UBE2U: variants seen among roughly 807,000 people sequenced by gnomAD.
UBE2U encodes ubiquitin conjugating enzyme E2 U, also known as ubiquitin-conjugating enzyme E2 U.
In UBE2U, 39 loss-of-function variants were observed where a neutral mutation model predicts 41.2. The observed-to-expected ratio is 0.95, with a 90% CI of 0.73 to 1.24. UBE2U has a LOEUF of 1.24. UBE2U is among the 50% of genes most tolerant of loss of function. The pLI, the probability that UBE2U is intolerant of heterozygous loss-of-function variation, is 0.00. For synonymous variants in UBE2U, 107 were observed against 117.8 expected (o/e 0.91, Z 0.60); for missense variants, 336 against 363.1 (o/e 0.93, Z 0.61).
chr1:64,222,013 G>GGAGGCAGAGCTTGCAGT (rs1652510516), intron 6 of UBE2U, among the ~76,000 whole-genome samples: 1 of 150,232 alleles, frequency 6.7e-6, no homozygotes, highest in East Asian at 1.9e-4. Context: ...TGTGAACCCA[G>GGAGGCAGAGCTTGCAGT]GAGGCAGAGC....
intron 6 of UBE2U, among the ~76,000 whole-genome samples, chr1:64,223,385 A>G (rs1652627672): frequency 6.6e-6 from 1 of 152,158 alleles, no homozygotes; most frequent in African/African-American, 2.4e-5. Context: ...TTGCCACCAG[A>G]GAATGTAGTT....
intron 8 of UBE2U, among the ~76,000 whole-genome samples, chr1:64,246,570 T>TA (rs982837887): frequency 2.1e-5 from 3 of 142,748 alleles, no homozygotes; most frequent in Admixed American, 6.9e-5. Flanking sequence ...ACACTGCCTG[T>TA]ATTTTTAAAT....
At position 64,212,867 on chromosome 1, in the gene UBE2U, G is replaced by A. The variant is rs375098905; in HGVS notation, c.340-1948G>A. 3.1e-4 allele frequency among the ~76,000 whole-genome samples: 47 copies of A among 152,228 alleles called. 4 individuals carry two copies. The South Asian group carries it at 5.0e-3, about 16-fold the overall frequency. On this transcript the variant is annotated intron_variant, in intron 4 of 9. Coordinates refer to ENST00000371077, the MANE Select transcript of UBE2U (RefSeq NM_001366232.2). ...ATTGTTCTTACTATTAAAGAGTAAT[G>A]CAAAGTGACACCAAAGTGTTGCCAA...
chr1:64,239,136 A>AAGGAGAAGGAGAAGGAGAAGG lies in UBE2U; in HGVS notation c.596-2514_596-2513insGAGAAGGAGAAGGAGAAGGAG, dbSNP rs1557730426. Among the ~76,000 whole-genome samples the AAGGAGAAGGAGAAGGAGAAGG allele has an allele frequency of 1.4e-4, 4 of 28,348 alleles. 1 individual carries two copies. The highest frequency in any genetic ancestry group is 5.4e-4 in the African/African-American group (4 of 7,350). The allele number at this position is 28,348 out of a possible 152,430, so 18.6% of individuals were successfully genotyped here. On this transcript the variant is annotated intron_variant, in intron 7 of 9. Coordinates refer to ENST00000371077, the MANE Select transcript of UBE2U (RefSeq NM_001366232.2). ...GAAGAAGAAGAAGAAGAAGAAGAAG[A>AAGGAGAAGGAGAAGGAGAAGG]AGAAGAAGAAGAAGAAGAAGAAAGA...
intron 4 of UBE2U, among the ~76,000 whole-genome samples, chr1:64,214,167 T>C (rs1265379927): frequency 6.6e-6 from 1 of 152,214 alleles, no homozygotes; most frequent in African/African-American, 2.4e-5. Context: ...AGGTCAGTGC[T>C]GCGCAGTAGC....
intron 7 of UBE2U, among the ~76,000 whole-genome samples, chr1:64,237,928 A>G (rs576374846): frequency 6.6e-6 from 1 of 152,368 alleles, no homozygotes; most frequent in South Asian, 2.1e-4. Flanking sequence ...GATATGAATT[A>G]TCCTTAAATA....
chr1:64,233,559 A>G (rs1346545478), intron 7 of UBE2U, among the ~76,000 whole-genome samples: 1 of 152,188 alleles, frequency 6.6e-6, no homozygotes, highest in Non-Finnish European at 1.5e-5. Flanking sequence ...CACCAGAGAG[A>G]ACCTTTTTAT....
At chr1:64,229,406 C>G (rs142129184) in intron 6 of UBE2U, among the ~76,000 whole-genome samples, 27 of 152,250 alleles carry the variant, frequency 1.8e-4, no homozygotes, top group African/African-American at 5.3e-4. Context: ...GCTGAAGAGG[C>G]GCTAAACTTG....
intron 4 of UBE2U, among the ~76,000 whole-genome samples, chr1:64,212,271 T>C (rs1651709100): frequency 6.6e-6 from 1 of 152,102 alleles, no homozygotes; most frequent in African/African-American, 2.4e-5. Context: ...TAAACTAGAG[T>C]CTGCCCTAAG....
chr1:64,263,135 T>C lies in UBE2U; in HGVS notation c.769+2441T>C, dbSNP rs575226019. ...CTGGTTAGCGCTCCAGTGCTGAGCC[T>C]TGTCCTCTTTAATCATGGAATAGAC... On this transcript the variant is annotated intron_variant, in intron 9 of 9. Coordinates refer to ENST00000371077, the MANE Select transcript of UBE2U (RefSeq NM_001366232.2). Among the ~76,000 whole-genome samples, 57 of 152,330 alleles carry C rather than the reference T, an allele frequency of 3.7e-4. 1 individual carries two copies. The highest frequency in any genetic ancestry group is 1.3e-3 in the African/African-American group (56 of 41,574).
intron 5 of UBE2U, among the ~76,000 whole-genome samples, chr1:64,216,549 G>T (rs1652027083): frequency 6.6e-6 from 1 of 152,208 alleles, no homozygotes; most frequent in African/African-American, 2.4e-5. Flanking sequence ...ACTTTCCCGG[G>T]CCTGCTGGGT....
chr1:64,223,722 C>A (rs1652655557), intron 6 of UBE2U, among the ~76,000 whole-genome samples: 1 of 152,128 alleles, frequency 6.6e-6, no homozygotes, highest in Non-Finnish European at 1.5e-5. Context: ...ACATCTTACT[C>A]AGGCTTGGCA....
chr1:64,231,357 A>C (rs1377688947), intron 6 of UBE2U, among the ~76,000 whole-genome samples: 1 of 152,230 alleles, frequency 6.6e-6, no homozygotes, highest in Non-Finnish European at 1.5e-5. Flanking sequence ...ATTGATCACA[A>C]GCTTTTTCAT....
At chr1:64,234,280 G>C (rs1320291222) in intron 7 of UBE2U, among the ~76,000 whole-genome samples, 1 of 152,092 alleles carries the variant, frequency 6.6e-6, no homozygotes, top group Non-Finnish European at 1.5e-5. Flanking sequence ...CTTGGTTAGT[G>C]GTAGATCACT....
intron 7 of UBE2U, among the ~76,000 whole-genome samples, chr1:64,239,184 G>GAAAGAAGAAGA (rs1335006070): frequency 6.2e-5 from 9 of 144,790 alleles, no homozygotes. Flanking sequence ...AGAAGAAGAA[G>GAAAGAAGAAGA]AAGAAGAAAG....
intron 1 of UBE2U, among the ~76,000 whole-genome samples, chr1:64,204,908 C>T (rs962839152): frequency 1.3e-5 from 2 of 152,192 alleles, no homozygotes; most frequent in South Asian, 4.1e-4. Flanking sequence ...CAACAGCGAA[C>T]ATTCCTGGGG....
At chr1:64,222,105 A>AAC (rs1553167070) in intron 6 of UBE2U, among the ~76,000 whole-genome samples, 5 of 151,480 alleles carry the variant, frequency 3.3e-5, no homozygotes, top group African/African-American at 1.2e-4. Flanking sequence ...AAAAAAAAAA[A>AAC]AAAACACAAA....
intron 8 of UBE2U, among the ~76,000 whole-genome samples, chr1:64,256,062 A>T (rs4915958): frequency 0.17 from 25,845 of 152,180 alleles, 2,873 homozygotes; most frequent in Non-Finnish European, 0.25. Flanking sequence ...TACAGCTAAC[A>T]AGGGAAGTGA....
In UBE2U at chr1:64,206,790, T is replaced by G; in HGVS notation, c.175T>G (p.Phe59Val). ...TTTAGTCTTCCAACTGACAATACAT[T>G]TTACATCGGAGTACAACTATGCTCC... is the stretch of plus-strand genomic sequence containing the variant. The part of the protein sequence containing the change: ...QGLVFQLTIH[F>V]TSEYNYAPPV... The change falls in exon 3 of 10, where the codon TTT becomes GTT. Residue 59 changes from phenylalanine (F) to valine (V), a missense_variant. By Grantham distance (50) the Phe-to-Val change is conservative. Transcript: ENST00000371077. The G allele has an allele frequency of 6.2e-7, 1 of 1,603,090 alleles. No individual in the cohort carries two copies. Among genetic ancestry groups the G allele is most frequent in the Non-Finnish European group, 8.5e-7 (1 of 1,172,910 alleles).
Sources: allele counts gnomAD v4.1 joint callset (sites outside exome capture counted in the v4.1 genomes callset), GRCh38; gene constraint gnomAD v4.1.1; transcripts MANE v1.5; gene names NCBI Gene and HGNC (gene_info 2026-07-23, HGNC 2026-07-21).